Variants in TAFA5 observed in about 807,000 individuals in gnomAD.
The protein encoded by TAFA5 is TAFA chemokine like family member 5.
In TAFA5, 6 loss-of-function variants were observed where a neutral mutation model predicts 15.3. The ratio of observed to expected loss-of-function variants is 0.39; its 90% CI spans 0.21 to 0.77. The LOEUF (loss-of-function observed/expected upper bound fraction) is 0.77, where lower values mean the gene tolerates loss of function less well. TAFA5 is among the 30% of genes least tolerant of loss of function. The pLI, the probability that TAFA5 is intolerant of heterozygous loss-of-function variation, is 0.41. For missense variants in TAFA5, 161 were observed against 193.1 expected (o/e 0.83, Z 0.98); for synonymous variants, 103 against 80.7 (o/e 1.28, Z -1.48).
chr22:48,641,252 C>T (rs576183862), intron 1 of TAFA5, among the ~76,000 whole-genome samples: 1 of 152,260 alleles, frequency 6.6e-6, no homozygotes, highest in East Asian at 1.9e-4. Context: ...ACATTCTTTC[C>T]ACAGAAGGGG....
intron 2 of TAFA5, among the ~76,000 whole-genome samples, chr22:48,681,490 C>CAAA (rs33981971): frequency 0.061 from 8,222 of 134,566 alleles, 316 homozygotes; most frequent in Non-Finnish European, 0.087. Context: ...TAAAAAAATA[C>CAAA]AAAAAAAAAA....
chr22:48,617,854 CA>C (rs35491753), intron 1 of TAFA5, among the ~76,000 whole-genome samples: 133,315 of 152,112 alleles, frequency 0.88, 58,658 homozygotes, highest in East Asian at 0.94. Context: ...TGGAGGTGCA[CA>C]AGCACATATG....
chr22:48,617,972 GT>G (rs1925672120), intron 1 of TAFA5, among the ~76,000 whole-genome samples: 1 of 152,218 alleles, frequency 6.6e-6, no homozygotes, highest in South Asian at 2.1e-4. Context: ...CATGGGCGCG[GT>G]TTTTATGGCC....
At chr22:48,639,038 CTCT>C (rs1356448952) in intron 1 of TAFA5, among the ~76,000 whole-genome samples, 2 of 152,188 alleles carry the variant, frequency 1.3e-5, no homozygotes, top group South Asian at 2.1e-4. Flanking sequence ...CTAAGCCCAG[CTCT>C]TCTTCTGGCC....
At chr22:48,683,769 G>A (rs1462840988) in intron 2 of TAFA5, among the ~76,000 whole-genome samples, 4 of 152,156 alleles carry the variant, frequency 2.6e-5, no homozygotes, top group African/African-American at 4.8e-5. Flanking sequence ...CCCACATGTC[G>A]AGGGAGAGAG....
At chr22:48,571,574 G>GTTTTGTTTTTTTTTTTTTT (rs1923586979) in intron 1 of TAFA5, among the ~76,000 whole-genome samples, 1 of 29,234 alleles carries the variant, frequency 3.4e-5, no homozygotes. Flanking sequence ...TGCCTGGCCT[G>GTTTTGTTTTTTTTTTTTTT]TTTTTTTTTT....
chr22:48,502,936 A>C (rs1207789674), intron 1 of TAFA5, among the ~76,000 whole-genome samples: 3 of 152,104 alleles, frequency 2.0e-5, no homozygotes, highest in African/African-American at 7.2e-5. Context: ...AATACCACCA[A>C]CGGGTCATAT....
chr22:48,620,599 C>A (rs1227362861), intron 1 of TAFA5, among the ~76,000 whole-genome samples: 5 of 9,564 alleles, frequency 5.2e-4, no homozygotes, highest in Admixed American at 1.1e-3. Flanking sequence ...ACCCACCCCC[C>A]TACCCATCCT....
At chr22:48,578,791 C>T (rs955309555) in intron 1 of TAFA5, among the ~76,000 whole-genome samples, 10 of 152,278 alleles carry the variant, frequency 6.6e-5, no homozygotes, top group East Asian at 1.9e-4. Flanking sequence ...CTTGCTGAGA[C>T]GGCCTTTTGG....
At chr22:48,497,026 C>T (rs1928351149) in intron 1 of TAFA5, among the ~76,000 whole-genome samples, 1 of 152,194 alleles carries the variant, frequency 6.6e-6, no homozygotes, top group Non-Finnish European at 1.5e-5. Flanking sequence ...TTATGGGGAG[C>T]GGTGGGGCTG....
chr22:48,537,085 C>A (rs1922191985), intron 1 of TAFA5, among the ~76,000 whole-genome samples: 1 of 152,220 alleles, frequency 6.6e-6, no homozygotes, highest in South Asian at 2.1e-4. Context: ...CCCTCGGCCT[C>A]CCGGTCTGGC....
At chr22:48,516,544 C>T (rs1267222831) in intron 1 of TAFA5, among the ~76,000 whole-genome samples, 3 of 152,242 alleles carry the variant, frequency 2.0e-5, no homozygotes, top group South Asian at 2.1e-4. Flanking sequence ...AGCCTGGGAA[C>T]GCCTTGGAGA....
At chr22:48,661,676 G>A (rs6010482) in intron 2 of TAFA5, among the ~76,000 whole-genome samples, 43,337 of 151,860 alleles carry the variant, frequency 0.29, 6,661 homozygotes, top group African/African-American at 0.41. Context: ...CCGGGGGCTC[G>A]TTCCCCCACC....
intron 1 of TAFA5, among the ~76,000 whole-genome samples, chr22:48,502,663 A>G (rs1920959387): frequency 6.6e-6 from 1 of 151,652 alleles, no homozygotes; most frequent in African/African-American, 2.4e-5. Context: ...CTGAGACTAC[A>G]GGCGCCCGCC....
At chr22:48,637,656 G>T (rs1190981102) in intron 1 of TAFA5, among the ~76,000 whole-genome samples, 4 of 152,058 alleles carry the variant, frequency 2.6e-5, no homozygotes, top group Non-Finnish European at 4.4e-5. Flanking sequence ...CCTCGCTCAG[G>T]TGTGTGGTTT....
chr22:48,605,297 G>T (rs1286560743), intron 1 of TAFA5, among the ~76,000 whole-genome samples: 1 of 111,044 alleles, frequency 9.0e-6, no homozygotes, highest in African/African-American at 3.6e-5. Flanking sequence ...GTTAATGGTG[G>T]TGATGGTGAT....
In TAFA5 at chr22:48,530,971, C is replaced by G. The variant is rs768201553; in HGVS notation, c.112+41267C>G. On this transcript the variant is annotated intron_variant, in intron 1 of 3. Transcript: ENST00000402357. This position sits in a 1 kb window ranked among gnomAD's most constrained non-coding sequence, Gnocchi z 6.0. ...TGCAAAGTGGTGCCCCTGCCCGCCC[C>G]GACCCCAGCCTTGTTAGGGGACTGG... 6.6e-6 allele frequency among the ~76,000 whole-genome samples: 1 copy of G among 152,184 alleles called. No homozygotes were observed. The highest frequency in any genetic ancestry group is 1.5e-5 in the Non-Finnish European group (1 of 68,026).
intron 1 of TAFA5, among the ~76,000 whole-genome samples, chr22:48,632,780 C>T (rs1016191662): frequency 3.3e-5 from 5 of 152,188 alleles, no homozygotes; most frequent in Non-Finnish European, 7.4e-5. Flanking sequence ...GAGGCCTCCT[C>T]GTCATCCCTG....
chr22:48,634,267 C>G (rs761782), intron 1 of TAFA5, among the ~76,000 whole-genome samples: 28,440 of 151,892 alleles, frequency 0.19, 3,269 homozygotes, highest in East Asian at 0.48. Context: ...TACTCATTCA[C>G]TCATCACTCA....
Sources: gnomAD v4.1 joint callset for allele counts (sites outside exome capture counted in the v4.1 genomes callset) on GRCh38, gnomAD v4.1.1 for gene constraint, Gnocchi (gnomAD v3.1) non-coding constraint, MANE v1.5 for transcripts, NCBI Gene and HGNC (gene_info 2026-07-23, HGNC 2026-07-21) for gene names.